The following RALGAPA2 variants were observed in gnomAD, a reference collection of about 807,000 sequenced individuals.
The protein encoded by RALGAPA2 is Ral GTPase activating protein catalytic subunit alpha 2, also known as ral GTPase-activating protein subunit alpha-2.
In RALGAPA2, 139 loss-of-function variants were observed where a neutral mutation model predicts 230.4. That is an observed-to-expected ratio of 0.60 (90% CI 0.53 to 0.69). RALGAPA2 has a LOEUF of 0.69. RALGAPA2 is among the 30% of genes least tolerant of loss of function. RALGAPA2 has a pLI of 0.00. For synonymous variants in RALGAPA2, 847 were observed against 837.8 expected, an observed-to-expected ratio of 1.01 and a Z score of -0.19; for missense variants, 2,163 against 2,276.0, an observed-to-expected ratio of 0.95 and a Z score of 1.01.
intron 3 of RALGAPA2, among the ~76,000 whole-genome samples, chr20:20,672,647 G>A (rs2068176268): frequency 6.6e-6 from 1 of 152,206 alleles, no homozygotes; most frequent in South Asian, 2.1e-4. Flanking sequence ...TGCGGGAGGA[G>A]AAAATAAAAG....
At chr20:20,685,054 G>T (rs566518244) in intron 1 of RALGAPA2, among the ~76,000 whole-genome samples, 16 of 151,272 alleles carry the variant, frequency 1.1e-4, no homozygotes, top group Admixed American at 1.1e-3. Flanking sequence ...CACAAGAAAG[G>T]ATCAAAAGCC....
rs1053246032 is a variant in RALGAPA2 at position 20,503,416 on chromosome 20, C to T, written c.5143G>A (p.Val1715Met). The change falls in exon 35 of 40, where the codon GTG becomes ATG. Residue 1715 changes from valine (V) to methionine (M), a missense_variant. Transcript: ENST00000202677. ...QTAPYYATST[V>M]EVIFHVSTRM... ...GTGGAAACATGGAAAATCACTTCCACAGTTGAGGTAGCATAGTAAGGGGCC... is the reference window on the plus strand; with the variant it reads ...GTGGAAACATGGAAAATCACTTCCATAGTTGAGGTAGCATAGTAAGGGGCC... The T allele has an allele frequency of 1.3e-5, 21 of 1,606,678 alleles. No individual in the cohort carries two copies. Among genetic ancestry groups the T allele is most frequent in the African/African-American group, 5.4e-5 (4 of 74,410 alleles).
chr20:20,551,812 T>C (rs551740437), intron 23 of RALGAPA2, among the ~76,000 whole-genome samples: 2 of 152,338 alleles, frequency 1.3e-5, no homozygotes, highest in South Asian at 4.1e-4. Flanking sequence ...TTTAGAGCGA[T>C]AAATGTGTAA....
chr20:20,561,107 C>G (rs1185931799), intron 23 of RALGAPA2, among the ~76,000 whole-genome samples: 2 of 152,154 alleles, frequency 1.3e-5, no homozygotes, highest in Non-Finnish European at 1.5e-5. Flanking sequence ...CGTCAGACAG[C>G]CTTGGACTGA....
chr20:20,584,396 G>C (rs1215732275), intron 19 of RALGAPA2, among the ~76,000 whole-genome samples: 2 of 152,182 alleles, frequency 1.3e-5, no homozygotes, highest in Non-Finnish European at 2.9e-5. Context: ...GGGGTAGAAA[G>C]ACAGGCCTCT....
rs2067810920 is a variant in RALGAPA2 at position 20,662,347 on chromosome 20, G to C, written c.271-8760C>G. On this transcript the variant is annotated intron_variant, in intron 3 of 39. Coordinates refer to ENST00000202677, the MANE Select transcript of RALGAPA2 (RefSeq NM_020343.4). ...CAATTACTTGTGGATTTTAACACTCGAGTTAAAAAAACTGATTATATAAAC... is the reference window on the plus strand; with the variant it reads ...CAATTACTTGTGGATTTTAACACTCCAGTTAAAAAAACTGATTATATAAAC... 1.3e-5 allele frequency among the ~76,000 whole-genome samples: 2 copies of C among 151,608 alleles called. 1 individual carries two copies. Among genetic ancestry groups the C allele is most frequent in the South Asian group, 4.2e-4 (2 of 4,786 alleles).
intron 37 of RALGAPA2, among the ~76,000 whole-genome samples, chr20:20,464,477 G>T (rs1178325041): frequency 6.6e-6 from 1 of 152,138 alleles, no homozygotes; most frequent in South Asian, 2.1e-4. Context: ...TCTGACCCAG[G>T]TCTAGAGAGT....
chr20:20,460,428 G>A (rs183379494), intron 37 of RALGAPA2, among the ~76,000 whole-genome samples: 88 of 152,240 alleles, frequency 5.8e-4, no homozygotes, highest in Non-Finnish European at 1.0e-3. Context: ...GCTAAGCTGG[G>A]CATGACAATA....
At chr20:20,427,122 C>A (rs1407873698) in intron 37 of RALGAPA2, among the ~76,000 whole-genome samples, 1 of 152,110 alleles carries the variant, frequency 6.6e-6, no homozygotes, top group Non-Finnish European at 1.5e-5. Context: ...ACTAGTGAGG[C>A]CAAAACTAGC....
intron 15 of RALGAPA2, among the ~76,000 whole-genome samples, chr20:20,602,813 CGTGTGTGTGT>C (rs35087554): frequency 1.5e-4 from 22 of 147,778 alleles, no homozygotes; most frequent in Non-Finnish European, 2.3e-4. Flanking sequence ...GAATGGCAGG[CGTGTGTGTGT>C]GTGTGTGTGT....
intron 12 of RALGAPA2, among the ~76,000 whole-genome samples, chr20:20,618,303 C>A (rs2066213004): frequency 6.6e-6 from 1 of 152,206 alleles, no homozygotes; most frequent in Non-Finnish European, 1.5e-5. Context: ...AGGACTCCTG[C>A]AAGTGTTTCT....
intron 23 of RALGAPA2, among the ~76,000 whole-genome samples, chr20:20,568,709 C>A (rs1318092029): frequency 6.6e-6 from 1 of 152,150 alleles, no homozygotes; most frequent in Non-Finnish European, 1.5e-5. Context: ...TAAGAAAGAA[C>A]TTCATGAAAC....
At chr20:20,549,992 ATTT>A (rs1283085364) in intron 23 of RALGAPA2, among the ~76,000 whole-genome samples, 1 of 152,044 alleles carries the variant, frequency 6.6e-6, no homozygotes, top group Non-Finnish European at 1.5e-5. Context: ...TCATGTTTTA[ATTT>A]TTTTATTTCC....
intron 10 of RALGAPA2, among the ~76,000 whole-genome samples, chr20:20,627,415 T>C (rs754995899): frequency 1.3e-5 from 2 of 152,184 alleles, no homozygotes; most frequent in Non-Finnish European, 2.9e-5. Context: ...GAACATCAGA[T>C]TGGATGGCAC....
chr20:20,513,745 G>A (rs528493674), intron 31 of RALGAPA2, among the ~76,000 whole-genome samples: 3 of 152,310 alleles, frequency 2.0e-5, no homozygotes, highest in East Asian at 3.9e-4. Flanking sequence ...AAAAGCTGCA[G>A]GCAATTCCTA....
chr20:20,629,881 T>C (rs2066614125), intron 9 of RALGAPA2, among the ~76,000 whole-genome samples: 3 of 152,238 alleles, frequency 2.0e-5, no homozygotes, highest in Admixed American at 2.0e-4. Context: ...ATTTGCATTG[T>C]AAAACCACAG....
At chr20:20,705,832 CTAAT>C (rs2069578953) in intron 1 of RALGAPA2, among the ~76,000 whole-genome samples, 1 of 152,292 alleles carries the variant, frequency 6.6e-6, no homozygotes, top group African/African-American at 2.4e-5. Context: ...CCACCCCTGG[CTAAT>C]TTTTGTATTT....
intron 4 of RALGAPA2, 139 bp downstream of exon 4, chr20:20,653,391 G>A: frequency 1.8e-6 from 1 of 562,704 alleles, no homozygotes; most frequent in Non-Finnish European, 3.2e-6. Context: ...AACTTGTCTT[G>A]GTTTTCATTA....
At chr20:20,555,038 G>C (rs1419419062) in intron 23 of RALGAPA2, among the ~76,000 whole-genome samples, 1 of 152,146 alleles carries the variant, frequency 6.6e-6, no homozygotes, top group Non-Finnish European at 1.5e-5. Flanking sequence ...TCCTTTCTAA[G>C]AGTTTTACCA....
Sources: gnomAD v4.1 joint callset for allele counts (sites outside exome capture counted in the v4.1 genomes callset) on GRCh38, gnomAD v4.1.1 for gene constraint, MANE v1.5 for transcripts, NCBI Gene and HGNC (gene_info 2026-07-23, HGNC 2026-07-21) for gene names.